ERBB4: variants seen among roughly 807,000 people sequenced by gnomAD.
ERBB4 encodes the protein receptor tyrosine-protein kinase erbB-4.
ERBB4 carries 42 observed loss-of-function variants against 158.0 expected under a neutral mutation model. That is an observed-to-expected ratio of 0.27 (90% confidence interval 0.21 to 0.34). The LOEUF (loss-of-function observed/expected upper bound fraction) is 0.34, where lower values mean the gene tolerates loss of function less well. Among genes scored for constraint, ERBB4 ranks in the 10% least tolerant of loss-of-function variants. The probability of loss-of-function intolerance (pLI) is 1.00; values close to 1 mark genes in which losing one functional copy is unlikely to be tolerated. For missense variants in ERBB4, 1,333 were observed against 1,624.1 expected (o/e 0.82, Z 3.08); for synonymous variants, 583 against 558.7 (o/e 1.04, Z -0.61).
chr2:212,248,734 C>T (rs758160629), intron 1 of ERBB4, among the ~76,000 whole-genome samples: 3 of 151,950 alleles, frequency 2.0e-5, no homozygotes, highest in Non-Finnish European at 4.4e-5. Flanking sequence ...TAGTACTAAA[C>T]GGTTGCTCAA....
At chr2:211,960,548 C>T (rs1168554471) in intron 2 of ERBB4, 4 of 152,002 alleles carry the variant, frequency 2.6e-5, no homozygotes, top group South Asian at 2.1e-4. Flanking sequence ...TTAGTCTGTT[C>T]GGTCTTCTAT....
At chr2:211,573,295 A>G (rs1207533371) in intron 19 of ERBB4, among the ~76,000 whole-genome samples, 2 of 152,122 alleles carry the variant, frequency 1.3e-5, no homozygotes, top group African/African-American at 4.8e-5. Flanking sequence ...AGCCCTACCA[A>G]CATCTTGATT....
intron 7 of ERBB4, among the ~76,000 whole-genome samples, chr2:211,718,378 A>G (rs1238038470): frequency 2.0e-5 from 3 of 152,180 alleles, no homozygotes; most frequent in African/African-American, 4.8e-5. Context: ...AATGCTTGGG[A>G]CCAGATGTGT....
chr2:212,190,859 C>T (rs1281325346), intron 1 of ERBB4, among the ~76,000 whole-genome samples: 1 of 152,030 alleles, frequency 6.6e-6, no homozygotes, highest in African/African-American at 2.4e-5. Context: ...AAATCTAGTT[C>T]CCATTCATTC....
At chr2:212,054,596 C>G (rs1253902604) in intron 2 of ERBB4, among the ~76,000 whole-genome samples, 1 of 152,084 alleles carries the variant, frequency 6.6e-6, no homozygotes, top group Admixed American at 6.5e-5. Context: ...CCATCTTCAC[C>G]AAAGAAACTC....
chr2:212,265,954 G>C (rs997888752), intron 1 of ERBB4, among the ~76,000 whole-genome samples: 11 of 152,116 alleles, frequency 7.2e-5, no homozygotes, highest in Non-Finnish European at 1.3e-4. Context: ...AGGACACAGA[G>C]AGCCACCTCG....
intron 1 of ERBB4, chr2:212,426,482 A>T: frequency 2.8e-6 from 1 of 362,402 alleles, no homozygotes; most frequent in Non-Finnish European, 5.3e-6. Context: ...TTTATTAAAT[A>T]GTTTTCAGAA....
chr2:211,573,797 G>T (rs1307968947), intron 19 of ERBB4, among the ~76,000 whole-genome samples: 2 of 152,172 alleles, frequency 1.3e-5, no homozygotes, highest in Non-Finnish European at 2.9e-5. Context: ...AACACTCAGT[G>T]CTAGAGACAC....
chr2:212,151,966 C>T (rs115188983), intron 1 of ERBB4, among the ~76,000 whole-genome samples: 198 of 152,286 alleles, frequency 1.3e-3, no homozygotes, highest in Middle Eastern at 6.8e-3. Flanking sequence ...CCAAGTTCCA[C>T]TCTTTATTCT....
At chr2:211,946,192 T>TA (rs1447198117) in intron 3 of ERBB4, among the ~76,000 whole-genome samples, 2 of 152,060 alleles carry the variant, frequency 1.3e-5, no homozygotes, top group East Asian at 3.9e-4. Context: ...ATCAACTCTA[T>TA]AGCAATCATG....
At chr2:212,312,855 GA>G (rs974102543) in intron 1 of ERBB4, among the ~76,000 whole-genome samples, 2 of 149,816 alleles carry the variant, frequency 1.3e-5, no homozygotes, top group African/African-American at 2.4e-5. Flanking sequence ...TATTAATAAG[GA>G]AAAAAAATAA....
chr2:211,900,190 C>T (rs1033454472), intron 3 of ERBB4, among the ~76,000 whole-genome samples: 2 of 152,064 alleles, frequency 1.3e-5, no homozygotes, highest in Admixed American at 1.3e-4. Flanking sequence ...GGCTCATTTA[C>T]GAAGAACTTC....
Position 211,383,322 on chromosome 2 carries a change from T to C in ERBB4, c.*293A>G. Reference sequence around the variant, plus strand: ...AGAAAAAAAGTGACAGCTAGTTTGATAGTAGGCAGCATTGCCTTACATTTT... The same window carrying C: ...AGAAAAAAAGTGACAGCTAGTTTGACAGTAGGCAGCATTGCCTTACATTTT... On this transcript the variant is annotated 3_prime_UTR_variant, in exon 28 of 28. Transcript: ENST00000342788. 1 of 353,508 alleles carries C rather than the reference T, an allele frequency of 2.8e-6. No homozygotes were observed. Among genetic ancestry groups the C allele is most frequent in the Non-Finnish European group, 5.2e-6 (1 of 192,856 alleles). The allele number at this position is 353,508 out of a possible 1,614,324, so 21.9% of individuals were successfully genotyped here. A position where few individuals can be genotyped will look rare whatever the true frequency, so the allele number is the denominator to read the frequency against.
At chr2:212,438,295 C>G (rs1370829258) in intron 1 of ERBB4, among the ~76,000 whole-genome samples, 1 of 152,070 alleles carries the variant, frequency 6.6e-6, no homozygotes, top group Non-Finnish European at 1.5e-5. Flanking sequence ...TTATTATCCA[C>G]TTTCAGTTGT....
At chr2:211,966,653 A>G (rs912879592) in intron 2 of ERBB4, among the ~76,000 whole-genome samples, 2 of 152,296 alleles carry the variant, frequency 1.3e-5, no homozygotes, top group African/African-American at 4.8e-5. Context: ...GTGTTTATAT[A>G]CCATTACATG....
intron 22 of ERBB4, among the ~76,000 whole-genome samples, chr2:211,424,875 C>T (rs565588877): frequency 4.5e-4 from 68 of 152,098 alleles, no homozygotes; most frequent in African/African-American, 1.5e-3. Context: ...ATGTTCCATA[C>T]GTAATATATA....
intron 3 of ERBB4, among the ~76,000 whole-genome samples, chr2:211,847,282 A>G (rs1024622148): frequency 6.6e-6 from 1 of 152,164 alleles, no homozygotes; most frequent in Admixed American, 6.6e-5. Flanking sequence ...GAAACAATTG[A>G]GCAGTGAATT....
chr2:212,446,719 A>T (rs1001501438), intron 1 of ERBB4, among the ~76,000 whole-genome samples: 1 of 145,322 alleles, frequency 6.9e-6, no homozygotes, highest in Admixed American at 7.1e-5. Flanking sequence ...TATTATAAAG[A>T]AAAAGTAAAA....
intron 3 of ERBB4, among the ~76,000 whole-genome samples, chr2:211,940,433 G>A (rs1395695894): frequency 6.6e-6 from 1 of 151,888 alleles, no homozygotes; most frequent in Non-Finnish European, 1.5e-5. Flanking sequence ...TTTTCCTTAG[G>A]ATATATAAGC....
Sources: gnomAD v4.1 joint callset for allele counts (sites outside exome capture counted in the v4.1 genomes callset) on GRCh38, gnomAD v4.1.1 for gene constraint, MANE v1.5 for transcripts, NCBI Gene and HGNC (gene_info 2026-07-23, HGNC 2026-07-21) for gene names.